The following ADRA1B variants were observed in gnomAD, a reference collection of about 807,000 sequenced individuals.
The protein encoded by ADRA1B is alpha-1B adrenergic receptor.
A neutral mutation model predicts 17.9 loss-of-function variants in ADRA1B; 17 were observed. The observed-to-expected ratio is 0.95, with a 90% confidence interval of 0.65 to 1.42. The LOEUF (loss-of-function observed/expected upper bound fraction) is 1.42, where lower values mean the gene tolerates loss of function less well. ADRA1B is among the 40% of genes most tolerant of loss of function. The pLI is 0.00. For missense variants in ADRA1B, 681 were observed against 722.1 expected (o/e 0.94, Z 0.65); for synonymous variants, 366 against 327.6 (o/e 1.12, Z -1.27).
At chr5:159,881,303 C>A (rs1257392535) in intron 1 of ADRA1B, among the ~76,000 whole-genome samples, 2 of 88,378 alleles carry the variant, frequency 2.3e-5, no homozygotes, top group African/African-American at 1.1e-4. Flanking sequence ...AGAAAGTTCT[C>A]TCTCTCTCTC....
intron 1 of ADRA1B, among the ~76,000 whole-genome samples, chr5:159,957,939 AAAAAAAAAAAAAAGAAAAG>A (rs1301791788): frequency 6.7e-6 from 1 of 148,534 alleles, no homozygotes; most frequent in African/African-American, 2.5e-5. Flanking sequence ...CAAAAAAAAA[AAAAAAAAAAAAAAGAAAAG>A]AAAAAAGAAA....
downstream of ADRA1B, among the ~76,000 whole-genome samples, chr5:159,974,634 CAA>C (rs1196958378): frequency 4.6e-4 from 49 of 106,312 alleles, no homozygotes; most frequent in Non-Finnish European, 4.2e-4. Flanking sequence ...AAGACTCCAT[CAA>C]AAAAAAAAAA....
At chr5:159,981,080 A>G in the ADRA1B span, among the ~76,000 whole-genome samples, 3 of 152,220 alleles carry the variant, frequency 2.0e-5, no homozygotes, top group Non-Finnish European at 2.9e-5. Context: ...GGGCTCTCAA[A>G]CTTTCCAACT....
At chr5:159,905,435 C>T (rs1754151844) in intron 1 of ADRA1B, among the ~76,000 whole-genome samples, 1 of 152,212 alleles carries the variant, frequency 6.6e-6, no homozygotes, top group African/African-American at 2.4e-5. Context: ...CATTGAAAGA[C>T]AAAAGTTTCA....
rs548354764 is a variant in ADRA1B, at chr5:159,944,313, A to G, written c.949+26459A>G. On this transcript the variant is annotated intron_variant, in intron 1 of 1. Transcript: ENST00000306675. ...GTGTCGTGCTCCTGTGCTTTCATTT[A>G]TTACCTGTCTGACCATGGTGCAGTG... Among the ~76,000 whole-genome samples, 18 of 152,260 alleles carry G rather than the reference A, an allele frequency of 1.2e-4. No individual in the cohort carries two copies. The South Asian group carries it at 3.5e-3, about 30-fold the overall frequency.
At chr5:159,913,066 C>G (rs1468029059), upstream of ADRA1B, among the ~76,000 whole-genome samples, 2 of 152,218 alleles carry the variant, frequency 1.3e-5, no homozygotes, top group African/African-American at 4.8e-5. Flanking sequence ...TTAAGCAGAT[C>G]CTTGAATCTC....
chr5:159,949,386 A>G (rs530131257), intron 1 of ADRA1B, among the ~76,000 whole-genome samples: 2 of 152,280 alleles, frequency 1.3e-5, no homozygotes, highest in South Asian at 2.1e-4. Flanking sequence ...TTTTTGGTAC[A>G]TGGGCGCTTT....
At chr5:159,865,784 T>A (rs1033976176) in intron 1 of ADRA1B, among the ~76,000 whole-genome samples, 8 of 152,178 alleles carry the variant, frequency 5.3e-5, no homozygotes, top group African/African-American at 1.4e-4. Context: ...GTAAAATATA[T>A]GCTTCCTCAA....
chr5:159,909,509 A>C (rs1254358850), intron 1 of ADRA1B, among the ~76,000 whole-genome samples: 1 of 152,234 alleles, frequency 6.6e-6, no homozygotes, highest in Non-Finnish European at 1.5e-5. Context: ...AGAGAGCACA[A>C]AAAAAGGAAG....
At chr5:159,900,712 C>G (rs1455789299) in intron 1 of ADRA1B, among the ~76,000 whole-genome samples, 1 of 152,232 alleles carries the variant, frequency 6.6e-6, no homozygotes, top group Non-Finnish European at 1.5e-5. Flanking sequence ...CCATACCCCC[C>G]ACTGAGCAAG....
the ADRA1B span, among the ~76,000 whole-genome samples, chr5:159,980,984 G>A: frequency 6.6e-6 from 1 of 152,086 alleles, no homozygotes; most frequent in African/African-American, 2.4e-5. Context: ...TCTGAGCAAG[G>A]GCAGATACTA....
In ADRA1B at chr5:159,917,138, C is replaced by T. The variant is rs559921269; in HGVS notation, c.233C>T (p.Thr78Met). Reference sequence around the variant, plus strand: ...GTGGCCTGCAACCGGCACCTGCGGACGCCCACCAACTACTTCATTGTCAAC... The same window carrying T: ...GTGGCCTGCAACCGGCACCTGCGGATGCCCACCAACTACTTCATTGTCAAC... ...LSVACNRHLR[T>M]PTNYFIVNLA... Residue 78 changes from threonine (T) to methionine (M), a missense_variant, in exon 1 of 2, where the codon ACG becomes ATG. Thr to Met is a moderately conservative substitution (Grantham distance 81). Coordinates refer to ENST00000306675, the MANE Select transcript of ADRA1B (RefSeq NM_000679.4). The T allele has an allele frequency of 7.4e-6, 12 of 1,614,132 alleles. No individual in the cohort carries two copies. Among genetic ancestry groups the T allele is most frequent in the African/African-American group, 4.0e-5 (3 of 75,056 alleles).
intron 1 of ADRA1B, among the ~76,000 whole-genome samples, chr5:159,958,815 A>T (rs1755613524): frequency 6.6e-6 from 1 of 152,168 alleles, no homozygotes. Flanking sequence ...TAGCTTCTTC[A>T]TGGTAAGTCC....
chr5:159,886,738 T>C (rs911140841), intron 1 of ADRA1B, among the ~76,000 whole-genome samples: 1 of 152,054 alleles, frequency 6.6e-6, no homozygotes, highest in African/African-American at 2.4e-5. Flanking sequence ...TTGCGGAGTG[T>C]TGTGGTTATG....
chr5:159,874,052 A>G (rs932528978), intron 1 of ADRA1B, among the ~76,000 whole-genome samples: 2 of 152,134 alleles, frequency 1.3e-5, no homozygotes, highest in African/African-American at 4.8e-5. Context: ...ACAACCTAAC[A>G]TTCTGTAGCC....
chr5:159,889,538 C>T (rs1168595315), intron 1 of ADRA1B, among the ~76,000 whole-genome samples: 1 of 152,138 alleles, frequency 6.6e-6, no homozygotes, highest in Non-Finnish European at 1.5e-5. Flanking sequence ...ACCTAGACTC[C>T]ATCAATCAGA....
At chr5:159,904,661 A>G (rs1308564709) in intron 1 of ADRA1B, among the ~76,000 whole-genome samples, 6 of 152,302 alleles carry the variant, frequency 3.9e-5, no homozygotes, top group African/African-American at 1.4e-4. Context: ...CATTATACAC[A>G]TTGTCTAATT....
rs8192448 is a variant in ADRA1B at position 159,917,057 on chromosome 5, T to G, written c.152T>G (p.Val51Gly). 1.9e-6 allele frequency: 3 copies of G among 1,614,074 alleles called. No homozygotes were observed. Among genetic ancestry groups the G allele is most frequent in the Non-Finnish European group, 2.5e-6 (3 of 1,180,038 alleles). Residue 51 changes from valine (V) to glycine (G), a missense_variant, in exon 1 of 2, where the codon GTG (valine) becomes GGG (glycine). Around this residue, in one of 3 missense-constraint regions of ADRA1B, gnomAD observed 424 missense variants for 480.2 expected, o/e 0.88. Coordinates refer to ENST00000306675, the MANE Select transcript of ADRA1B (RefSeq NM_000679.4). ...DITRAISVGLVLGAFILFAIV... is the reference protein window; with the variant it reads ...DITRAISVGLGLGAFILFAIV... ...ACCAGGGCCATCTCTGTGGGCCTGG[T>G]GCTGGGCGCCTTCATCCTCTTTGCC...
intron 1 of ADRA1B, among the ~76,000 whole-genome samples, chr5:159,962,221 A>T (rs1278949168): frequency 6.6e-6 from 1 of 152,176 alleles, no homozygotes; most frequent in African/African-American, 2.4e-5. Context: ...TATGTAAAGA[A>T]TAAAAAGATT....
Sources: allele counts gnomAD v4.1 joint callset (sites outside exome capture counted in the v4.1 genomes callset), GRCh38; gene constraint gnomAD v4.1.1; regional missense constraint gnomAD v4.1.1; transcripts MANE v1.5; gene names NCBI Gene and HGNC (gene_info 2026-07-23, HGNC 2026-07-21).